CDH12: variants seen among roughly 807,000 people sequenced by gnomAD.
The protein encoded by CDH12 is cadherin 12.
Under a neutral mutation model 74.1 loss-of-function variants are expected in CDH12, and 41 were observed. The ratio of observed to expected loss-of-function variants is 0.55; its 90% confidence interval spans 0.43 to 0.72. CDH12 has a LOEUF of 0.72. CDH12 is among the 30% of genes least tolerant of loss of function. The pLI is 0.00. For missense variants in CDH12, 945 were observed against 977.2 expected (o/e 0.97, Z 0.44); for synonymous variants, 399 against 355.0 (o/e 1.12, Z -1.39).
At chr5:22,232,666 T>C (rs537933750) in intron 3 of CDH12, among the ~76,000 whole-genome samples, 15 of 151,588 alleles carry the variant, frequency 9.9e-5, no homozygotes, top group Non-Finnish European at 1.9e-4. Flanking sequence ...TGAAAAAAAA[T>C]ACTTCATCAT....
chr5:22,168,462 A>G (rs1157550915), intron 4 of CDH12, among the ~76,000 whole-genome samples: 1 of 152,060 alleles, frequency 6.6e-6, no homozygotes, highest in Non-Finnish European at 1.5e-5. Context: ...TATGCTGCAT[A>G]AAAGTGCTGA....
chr5:22,596,713 G>C (rs566688218), intron 1 of CDH12, among the ~76,000 whole-genome samples: 1 of 152,256 alleles, frequency 6.6e-6, no homozygotes, highest in South Asian at 2.1e-4. Context: ...AGTGTTAACA[G>C]TGTGTGGAAT....
chr5:22,682,630 T>C (rs1249233203), intron 1 of CDH12, among the ~76,000 whole-genome samples: 1 of 152,088 alleles, frequency 6.6e-6, no homozygotes, highest in Admixed American at 6.6e-5. Context: ...TTTTTGTCTG[T>C]CTAAAGTGGA....
intron 1 of CDH12, among the ~76,000 whole-genome samples, chr5:22,779,834 G>T (rs537973839): frequency 4.7e-4 from 71 of 152,254 alleles, no homozygotes; most frequent in Middle Eastern, 3.4e-3. Flanking sequence ...GAAGTACCCA[G>T]TTTCAGGCAG....
Position 21,752,131 on chromosome 5 carries a change from C to CCTT in CDH12, c.1988_1990dup (p.Glu663dup). ...AGCCTGGGTATCTTCCTCCCCACCT[C>CCTT]CTTCATCATCGTAATGGATGACGTT... On this transcript the variant is annotated inframe_insertion, in exon 15 of 15. Coordinates refer to ENST00000382254, the MANE Select transcript of CDH12 (RefSeq NM_004061.5). 6.2e-7 allele frequency: 1 copy of CCTT among 1,614,110 alleles called. No individual in the cohort carries two copies. Among genetic ancestry groups the CCTT allele is most frequent in the Non-Finnish European group, 8.5e-7 (1 of 1,180,006 alleles).
chr5:22,810,383 G>T (rs951177742), intron 1 of CDH12, among the ~76,000 whole-genome samples: 8 of 152,128 alleles, frequency 5.3e-5, no homozygotes, highest in African/African-American at 1.9e-4. Context: ...GGTTTGAATT[G>T]CCAGTTGTTA....
At chr5:22,681,133 A>C (rs1741462143) in intron 1 of CDH12, among the ~76,000 whole-genome samples, 1 of 152,010 alleles carries the variant, frequency 6.6e-6, no homozygotes, top group Admixed American at 6.6e-5. Context: ...AAAATAACCA[A>C]AATTTTATTT....
At chr5:22,240,279 C>T (rs1260548110) in intron 3 of CDH12, among the ~76,000 whole-genome samples, 7 of 152,168 alleles carry the variant, frequency 4.6e-5, no homozygotes, top group Middle Eastern at 3.4e-3. Flanking sequence ...ACTGTTTCGA[C>T]CAATACTGCT....
intron 2 of CDH12, among the ~76,000 whole-genome samples, chr5:22,408,572 T>C (rs1287006464): frequency 4.0e-5 from 6 of 150,262 alleles, no homozygotes; most frequent in East Asian, 1.9e-4. Context: ...TATTTATATA[T>C]GCATATTATT....
intron 5 of CDH12, among the ~76,000 whole-genome samples, chr5:22,074,259 C>T (rs9293009): frequency 0.37 from 56,906 of 151,910 alleles, 13,508 homozygotes; most frequent in African/African-American, 0.68. Context: ...TGGCTAGCCA[C>T]ATGTAGAAAG....
chr5:21,901,344 C>T (rs1753376496), intron 6 of CDH12, among the ~76,000 whole-genome samples: 1 of 152,096 alleles, frequency 6.6e-6, no homozygotes. Flanking sequence ...TCAATTATGG[C>T]TGATTTCTAA....
chr5:22,578,976 T>G (rs1161209436), intron 1 of CDH12, among the ~76,000 whole-genome samples: 1 of 152,220 alleles, frequency 6.6e-6, no homozygotes, highest in Non-Finnish European at 1.5e-5. Flanking sequence ...TGATTACATT[T>G]ATCTCAGCAT....
chr5:21,859,110 C>G (rs140300597), intron 6 of CDH12, among the ~76,000 whole-genome samples: 1 of 151,894 alleles, frequency 6.6e-6, no homozygotes, highest in Non-Finnish European at 1.5e-5. Context: ...GTGTATACTT[C>G]GAGCAACATC....
In CDH12 at chr5:22,591,047, A is replaced by G. The variant is rs183169970; in HGVS notation, c.-522-85683T>C. 2.6e-3 allele frequency among the ~76,000 whole-genome samples: 399 copies of G among 152,184 alleles called. 1 individual carries two copies. The highest frequency in any genetic ancestry group is 7.7e-3 in the African/African-American group (319 of 41,532). ...CATTAATGTTGCCCATTTAAACTTGATTTATTGCTTTCCTTTTCTGTCTAA... is the reference window on the plus strand; with the variant it reads ...CATTAATGTTGCCCATTTAAACTTGGTTTATTGCTTTCCTTTTCTGTCTAA... On this transcript the variant is annotated intron_variant, in intron 1 of 14. Coordinates refer to ENST00000382254, the MANE Select transcript of CDH12 (RefSeq NM_004061.5).
chr5:22,225,784 C>A (rs748220609), intron 3 of CDH12, among the ~76,000 whole-genome samples: 2 of 151,956 alleles, frequency 1.3e-5, no homozygotes, highest in Non-Finnish European at 2.9e-5. Flanking sequence ...CTGGGCAATC[C>A]CAGTTAAGGC....
At chr5:22,577,560 G>A (rs1239670551) in intron 1 of CDH12, among the ~76,000 whole-genome samples, 2 of 151,636 alleles carry the variant, frequency 1.3e-5, no homozygotes, top group Non-Finnish European at 2.9e-5. Context: ...TGTGTAGGCT[G>A]AGGTGAGGAG....
intron 6 of CDH12, among the ~76,000 whole-genome samples, chr5:21,869,149 T>G (rs1579867532): frequency 6.6e-6 from 1 of 152,106 alleles, no homozygotes. Context: ...TTGGCTGGGG[T>G]GATTGATCTA....
At chr5:22,401,169 G>A (rs1343991535) in intron 3 of CDH12, among the ~76,000 whole-genome samples, 1 of 151,832 alleles carries the variant, frequency 6.6e-6, no homozygotes, top group Non-Finnish European at 1.5e-5. Context: ...GATTCTTTCG[G>A]ACACCATTGG....
At chr5:22,171,570 C>T (rs1186053294) in intron 4 of CDH12, among the ~76,000 whole-genome samples, 1 of 151,912 alleles carries the variant, frequency 6.6e-6, no homozygotes, top group Non-Finnish European at 1.5e-5. Context: ...ATCTGTGTGG[C>T]ACTTTTATAA....
Sources: allele counts gnomAD v4.1 joint callset (sites outside exome capture counted in the v4.1 genomes callset), GRCh38; gene constraint gnomAD v4.1.1; transcripts MANE v1.5; gene names NCBI Gene and HGNC (gene_info 2026-07-23, HGNC 2026-07-21).